Variants in INPP5B observed in about 807,000 individuals in gnomAD.
INPP5B encodes type II inositol 1,4,5-trisphosphate 5-phosphatase.
In INPP5B, 90 loss-of-function variants were observed where a neutral mutation model predicts 118.5. The ratio of observed to expected loss-of-function variants is 0.76; its 90% CI spans 0.64 to 0.90. The LOEUF is 0.90. Among genes scored for constraint, INPP5B ranks in the 40% least tolerant of loss-of-function variants. INPP5B has a pLI of 0.00. For synonymous variants in INPP5B, 385 were observed against 418.9 expected, an observed-to-expected ratio of 0.92 and a Z score of 0.99; for missense variants, 984 against 1,125.6, an observed-to-expected ratio of 0.87 and a Z score of 1.80.
intron 7 of INPP5B, among the ~76,000 whole-genome samples, chr1:37,921,893 T>A (rs6422653): frequency 0.59 from 89,707 of 151,932 alleles, 28,341 homozygotes; most frequent in Non-Finnish European, 0.71. Flanking sequence ...TGTAACGGGC[T>A]TGCTGGCGAG....
At chr1:37,897,148 G>A (rs1026736104) in intron 7 of INPP5B, among the ~76,000 whole-genome samples, 3 of 151,718 alleles carry the variant, frequency 2.0e-5, no homozygotes, top group Non-Finnish European at 2.9e-5. Context: ...CGCCCTGTCC[G>A]GGAGGTGAGG....
At chr1:37,940,881 A>G (rs1645883835) in intron 5 of INPP5B, 83 bp from the exon 6 acceptor site, 2 of 925,866 alleles carry the variant, frequency 2.2e-6, no homozygotes, top group East Asian at 5.1e-5. Flanking sequence ...ATGGAGAATC[A>G]GCAACCCAGA....
At chr1:37,942,561 T>C (rs1446952290) in intron 5 of INPP5B, among the ~76,000 whole-genome samples, 1 of 152,048 alleles carries the variant, frequency 6.6e-6, no homozygotes, top group African/African-American at 2.4e-5. Flanking sequence ...AGACAGACAT[T>C]AAATATGTCA....
Position 37,945,844 on chromosome 1 carries a change from G to T in INPP5B, c.64C>A (p.Gln22Lys). 6.2e-7 allele frequency: 1 copy of T among 1,613,844 alleles called. No individual in the cohort carries two copies. Among genetic ancestry groups the T allele is most frequent in the Non-Finnish European group, 8.5e-7 (1 of 1,179,918 alleles). The change falls in exon 3 of 24, where the codon CAA becomes AAA. Residue 22 changes from glutamine (Q) to lysine (K), a missense_variant. By Grantham distance (53) the Gln-to-Lys change is moderately conservative. This residue lies in a region of INPP5B where 350 missense variants were observed against 334.6 expected (regional missense o/e 1.05). Transcript: ENST00000373024. ...AEGEYCVIAV[Q>K]GVLCEGDSRQ... ...CTGTCCCCCTCACACAGCACACCTT[G>T]CACCGCCTGCGGCTCAGAGTCAAGG... is the stretch of plus-strand genomic sequence containing the variant.
intron 23 of INPP5B, among the ~76,000 whole-genome samples, chr1:37,863,696 C>G (rs1392541799): frequency 6.6e-6 from 1 of 151,720 alleles, no homozygotes; most frequent in East Asian, 1.9e-4. Context: ...CAAGCACACA[C>G]ACACACACAC....
At chr1:37,915,608 T>A (rs1311291824) in intron 7 of INPP5B, among the ~76,000 whole-genome samples, 2 of 152,220 alleles carry the variant, frequency 1.3e-5, no homozygotes, top group Non-Finnish European at 2.9e-5. Context: ...TATGTCTGTG[T>A]GCATAGATAC....
In INPP5B at chr1:37,932,199, T is replaced by C. The variant is rs995309773; in HGVS notation, c.392-146A>G. On this transcript the variant is annotated intron_variant, in intron 6 of 23. Coordinates refer to ENST00000373024, the MANE Select transcript of INPP5B (RefSeq NM_005540.3). ...ACTGAGGTTCAAATGCAAGAATAATTGTGAACACAAAAGTACTATTCCAAG... is the reference window on the plus strand; with the variant it reads ...ACTGAGGTTCAAATGCAAGAATAATCGTGAACACAAAAGTACTATTCCAAG... The C allele has an allele frequency of 1.4e-5, 12 of 873,586 alleles. No homozygotes were observed. In the African/African-American group the frequency reaches 1.9e-4, roughly 14 times the overall value. The allele number at this position is 873,586 out of a possible 1,614,324, so 54.1% of individuals were successfully genotyped here.
chr1:37,919,423 C>T (rs1487605720), intron 7 of INPP5B, among the ~76,000 whole-genome samples: 6 of 152,192 alleles, frequency 3.9e-5, no homozygotes, highest in African/African-American at 1.2e-4. Context: ...TCAAACTGAC[C>T]GGATTAAGTG....
chr1:37,898,588 G>A (rs1291323723), intron 7 of INPP5B, among the ~76,000 whole-genome samples: 7 of 152,038 alleles, frequency 4.6e-5, no homozygotes, highest in Non-Finnish European at 7.4e-5. Context: ...CCAGCTACTC[G>A]GGAGGCTGAG....
rs745312224 is a variant in INPP5B, at chr1:37,862,378, A to C, written c.2679T>G (p.Leu893=). ...GAGCCTTCTTCTTCTCTGTCATATC[A>C]AGCTTTTGGTGACCAGCTGGGTTTC... is the stretch of plus-strand genomic sequence containing the variant. ...LLRNPAGHQK[L]DMTEKKKAQE... is the part of the protein sequence containing the mutation. Residue 893 remains leucine, a synonymous_variant, in exon 24 of 24, where the codon CTT becomes CTG. Transcript: ENST00000373024. 2.5e-6 allele frequency: 4 copies of C among 1,614,038 alleles called. No individual in the cohort carries two copies. The highest frequency in any genetic ancestry group is 1.7e-4 in the Middle Eastern group (1 of 6,058).
intron 6 of INPP5B, among the ~76,000 whole-genome samples, chr1:37,935,949 C>A (rs1367938006): frequency 2.0e-5 from 3 of 151,978 alleles, no homozygotes. Flanking sequence ...ACCTGTAGTC[C>A]CAGCTACTCG....
intron 15 of INPP5B, 187 bp from the exon 16 acceptor site, chr1:37,878,510 A>G: frequency 1.0e-6 from 1 of 985,370 alleles, no homozygotes. Flanking sequence ...TATCATCCAA[A>G]ACAACCATGA....
rs533798474 is a variant in INPP5B at position 37,926,289 on chromosome 1, T to G, written c.532+5624A>C. On this transcript the variant is annotated intron_variant, in intron 7 of 23. Transcript: ENST00000373024. ...TTGTAAATTTGAGTTACTACAAAGCTGGTTCATTTCTTTTTTTTTTTGAGA... is the reference window on the plus strand; with the variant it reads ...TTGTAAATTTGAGTTACTACAAAGCGGGTTCATTTCTTTTTTTTTTTGAGA... 1.7e-4 allele frequency among the ~76,000 whole-genome samples: 23 copies of G among 137,556 alleles called. 1 individual carries two copies. In the East Asian group the frequency reaches 3.4e-3, roughly 20 times the overall value. 90.2% of individuals were successfully genotyped at this position (137,556 alleles called of 152,430 possible). A position where few individuals can be genotyped will look rare whatever the true frequency, so the allele number is the denominator to read the frequency against.
chr1:37,908,720 C>G (rs61776677), intron 7 of INPP5B, among the ~76,000 whole-genome samples: 61,273 of 152,100 alleles, frequency 0.4, 14,099 homozygotes, highest in African/African-American at 0.63. Flanking sequence ...TTCACCCACC[C>G]TCCACTGGTG....
chr1:37,939,272 G>A (rs1212491600), intron 6 of INPP5B, among the ~76,000 whole-genome samples: 3 of 151,160 alleles, frequency 2.0e-5, no homozygotes, highest in Admixed American at 1.3e-4. Context: ...GCTGAGGCAG[G>A]AGAATTGCTT....
chr1:37,885,896 C>T, intron 12 of INPP5B, 71 bp from the exon 13 acceptor site: 3 of 1,457,502 alleles, frequency 2.1e-6, no homozygotes, highest in Non-Finnish European at 2.9e-6. Flanking sequence ...TACAAACTTT[C>T]TGGCCGGGCA....
At chr1:37,874,728 G>A (rs892456882) in intron 17 of INPP5B, among the ~76,000 whole-genome samples, 52 of 152,172 alleles carry the variant, frequency 3.4e-4, no homozygotes, top group African/African-American at 1.0e-3. Context: ...CCTAGGAGGC[G>A]GAGGTTGCAG....
chr1:37,933,994 C>T (rs1196143688), intron 6 of INPP5B, among the ~76,000 whole-genome samples: 2 of 151,538 alleles, frequency 1.3e-5, no homozygotes, highest in East Asian at 1.9e-4. Flanking sequence ...AATGCAGTAA[C>T]GTGATCTCTG....
At chr1:37,916,811 G>A (rs1246993926) in intron 7 of INPP5B, among the ~76,000 whole-genome samples, 1 of 152,074 alleles carries the variant, frequency 6.6e-6, no homozygotes, top group Admixed American at 6.5e-5. Context: ...AGAATCATCT[G>A]AGAGGCAGCA....
Sources: gnomAD v4.1 joint callset for allele counts (sites outside exome capture counted in the v4.1 genomes callset) on GRCh38, gnomAD v4.1.1 for gene constraint, gnomAD v4.1.1 regional missense constraint, MANE v1.5 for transcripts, NCBI Gene and HGNC (gene_info 2026-07-23, HGNC 2026-07-21) for gene names.